Variants in RBL2 observed in about 807,000 individuals in gnomAD.
RBL2 encodes the protein RB transcriptional corepressor like 2.
Under a neutral mutation model 126.0 loss-of-function variants are expected in RBL2, and 56 were observed. The ratio of observed to expected loss-of-function variants is 0.44; its 90% CI spans 0.36 to 0.56. The LOEUF is 0.56. RBL2 is among the 20% of genes least tolerant of loss of function. RBL2 has a pLI of 0.00. For synonymous variants in RBL2, 454 were observed against 478.5 expected, an observed-to-expected ratio of 0.95 and a Z score of 0.67; for missense variants, 1,229 against 1,398.2, an observed-to-expected ratio of 0.88 and a Z score of 1.93.
At chr16:53,484,677 T>C (rs1941477761) in intron 21 of RBL2, among the ~76,000 whole-genome samples, 1 of 152,166 alleles carries the variant, frequency 6.6e-6, no homozygotes, top group Admixed American at 6.5e-5. Flanking sequence ...TGCCAAGGGT[T>C]GTGGGGAATA....
chr16:53,434,499 A>G lies in RBL2; in HGVS notation c.-58A>G. On this transcript the variant is annotated 5_prime_UTR_variant, in exon 1 of 22. Coordinates refer to ENST00000262133, the MANE Select transcript of RBL2 (RefSeq NM_005611.4). ...GGACGGGCGGGCGCTTCGCCGTTTG[A>G]ATGGCTGCGGGCCCGGGCCCTCACC... 6.8e-6 allele frequency: 9 copies of G among 1,332,782 alleles called. No individual in the cohort carries two copies. The highest frequency in any genetic ancestry group is 3.1e-5 in the East Asian group (1 of 32,670). 82.6% of individuals were successfully genotyped at this position (1,332,782 alleles called of 1,614,324 possible). A position where few individuals can be genotyped will look rare whatever the true frequency, so the allele number is the denominator to read the frequency against.
chr16:53,466,984 C>T, intron 13 of RBL2, 74 bp from the exon 14 acceptor site: 1 of 974,034 alleles, frequency 1.0e-6, no homozygotes, highest in Non-Finnish European at 1.6e-6. Flanking sequence ...CTTTTTCTGC[C>T]TTAGATTACT....
chr16:53,450,770 CTGAGTT>C (rs2153140700), intron 4 of RBL2, among the ~76,000 whole-genome samples: 1 of 152,144 alleles, frequency 6.6e-6, no homozygotes, highest in East Asian at 1.9e-4. Context: ...ATTAATTTGT[CTGAGTT>C]TATGTAGAAA....
In RBL2 at chr16:53,461,863, A is replaced by T; in HGVS notation, c.1456+13A>T. The T allele has an allele frequency of 6.3e-7, 1 of 1,582,186 alleles. No homozygotes were observed. Among genetic ancestry groups the T allele is most frequent in the Non-Finnish European group, 8.7e-7 (1 of 1,151,798 alleles). ...AATTGTGCTAAAGGTAAGGTTTAAC[A>T]TTGTTATTCTGCTTTTATGTTTGAA... is the stretch of plus-strand genomic sequence containing the variant. On this transcript the variant is annotated intron_variant, in intron 10 of 21. Coordinates refer to ENST00000262133, the MANE Select transcript of RBL2 (RefSeq NM_005611.4).
chr16:53,460,515 GA>G (rs1248321706), intron 9 of RBL2, among the ~76,000 whole-genome samples: 2 of 152,132 alleles, frequency 1.3e-5, no homozygotes, highest in Non-Finnish European at 2.9e-5. Flanking sequence ...TGTTTGCCTT[GA>G]ATTTAGAAGC....
At chr16:53,470,316 G>A (rs2058310053) in intron 15 of RBL2, 67 bp from the exon 16 acceptor site, 1 of 1,571,928 alleles carries the variant, frequency 6.4e-7, no homozygotes, top group Admixed American at 1.7e-5. Context: ...AGCAGAAATT[G>A]TAAACCTCTG....
chr16:53,454,801 A>G lies in RBL2; in HGVS notation c.1138A>G (p.Arg380Gly), dbSNP rs1254186299. Residue 380 changes from arginine (R) to glycine (G), a missense_variant, in exon 8 of 22, where the codon AGG (arginine) becomes GGG (glycine). Physicochemically the swap from Arg to Gly is moderately radical, Grantham distance 125. Transcript: ENST00000262133. ...TGGTTCAGGAACAGAGACTGCTGAA[A>G]GGGTGCAGATGAAAAACATCTTACA... ...NAGSGTETAE[R>G]VQMKNILQQH... 1.9e-6 allele frequency: 3 copies of G among 1,613,776 alleles called. No homozygotes were observed. The highest frequency in any genetic ancestry group is 2.5e-6 in the Non-Finnish European group (3 of 1,179,888).
intron 21 of RBL2, among the ~76,000 whole-genome samples, chr16:53,484,579 G>A (rs1005405924): frequency 6.6e-6 from 1 of 152,208 alleles, no homozygotes; most frequent in Non-Finnish European, 1.5e-5. Context: ...AAAGAAGCCA[G>A]TCACAAAAGA....
intron 4 of RBL2, among the ~76,000 whole-genome samples, chr16:53,448,236 C>A (rs1375330913): frequency 6.6e-6 from 1 of 151,854 alleles, no homozygotes; most frequent in Non-Finnish European, 1.5e-5. Context: ...CGGCCCACTG[C>A]AACCTCTGCT....
In RBL2 at chr16:53,434,748, C is replaced by T; in HGVS notation, c.192C>T (p.Ala64=). The change falls in exon 1 of 22, where the codon GCC becomes GCT. Residue 64 remains alanine, a synonymous_variant. Transcript: ENST00000262133. ...SRLNMDEAAR[A]EAWDSYRSMS... ...TCAACATGGACGAGGCGGCGCGGGC[C>T]GAGGCCTGGGACAGCTACCGCAGCA... 1.9e-6 allele frequency: 3 copies of T among 1,543,880 alleles called. No individual in the cohort carries two copies. Among genetic ancestry groups the T allele is most frequent in the Admixed American group, 1.9e-5 (1 of 51,430 alleles).
chr16:53,441,324 A>G (rs1022703721), intron 2 of RBL2, among the ~76,000 whole-genome samples: 1 of 152,098 alleles, frequency 6.6e-6, no homozygotes, highest in Non-Finnish European at 1.5e-5. Context: ...TTTACTAGCA[A>G]ATTTGGTGGT....
chr16:53,475,373 G>A (rs577856592), intron 17 of RBL2, among the ~76,000 whole-genome samples: 2 of 152,032 alleles, frequency 1.3e-5, no homozygotes, highest in African/African-American at 4.8e-5. Context: ...GTGCCACCTC[G>A]CCCAGCTAGT....
At chr16:53,453,980 T>A (rs891826184) in intron 7 of RBL2, among the ~76,000 whole-genome samples, 3 of 152,222 alleles carry the variant, frequency 2.0e-5, no homozygotes, top group Non-Finnish European at 4.4e-5. Flanking sequence ...TTTAAGCTTC[T>A]GGATTATAAA....
At chr16:53,474,682 T>TA (rs199785618) in intron 17 of RBL2, among the ~76,000 whole-genome samples, 1,676 of 152,136 alleles carry the variant, frequency 0.011, 9 homozygotes, top group African/African-American at 0.018. Context: ...TGTTTTCAGT[T>TA]AAAAAAAATA....
intron 17 of RBL2, 164 bp from the exon 18 acceptor site, chr16:53,478,990 C>T (rs1451360534): frequency 2.5e-5 from 15 of 599,360 alleles, no homozygotes; most frequent in Non-Finnish European, 3.6e-5. Flanking sequence ...ATTCTTGAAT[C>T]GATGTATCTT....
Position 53,434,620 on chromosome 16 carries a change from G to T in RBL2, c.64G>T (p.Asp22Tyr). The change falls in exon 1 of 22, where the codon GAT (aspartate) becomes TAT (tyrosine). Residue 22 changes from aspartate to tyrosine, a missense_variant. Asp to Tyr is a radical substitution (Grantham distance 160, BLOSUM62 -3). Coordinates refer to ENST00000262133, the MANE Select transcript of RBL2 (RefSeq NM_005611.4). ...PPPPPAAAAS[D>Y]EEEEDDGEAE... ...TCCCCCTCCGGCGGCGGCAGCCTCG[G>T]ATGAGGAGGAGGAGGACGACGGCGA... 6.4e-7 allele frequency: 1 copy of T among 1,559,862 alleles called. No individual in the cohort carries two copies. The highest frequency in any genetic ancestry group is 1.2e-5 in the South Asian group (1 of 85,772).
chr16:53,470,985 C>G, intron 17 of RBL2, 63 bp downstream of exon 17: 2 of 1,481,794 alleles, frequency 1.3e-6, no homozygotes, highest in African/African-American at 1.4e-5. Flanking sequence ...CATTTTTTAA[C>G]CACTGTCTTG....
At chr16:53,435,480 TTGCG>T in intron 1 of RBL2, 1 of 889,822 alleles carries the variant, frequency 1.1e-6, no homozygotes, top group Non-Finnish European at 1.5e-6. Flanking sequence ...CCTGTTGTTG[TTGCG>T]ATCCGGGTGT....
intron 14 of RBL2, among the ~76,000 whole-genome samples, chr16:53,468,326 C>A (rs935892739): frequency 6.6e-6 from 1 of 152,060 alleles, no homozygotes; most frequent in African/African-American, 2.4e-5. Flanking sequence ...ATCACTTGAG[C>A]CCCGGAGTTC....
Sources: allele counts gnomAD v4.1 joint callset (sites outside exome capture counted in the v4.1 genomes callset), GRCh38; gene constraint gnomAD v4.1.1; transcripts MANE v1.5; gene names NCBI Gene and HGNC (gene_info 2026-07-23, HGNC 2026-07-21).